The following ACACA variants were observed in gnomAD, a reference collection of about 807,000 sequenced individuals.
ACACA encodes acetyl-CoA carboxylase alpha, also known as acetyl-CoA carboxylase 1.
In ACACA, 103 loss-of-function variants were observed where a neutral mutation model predicts 296.1. The ratio of observed to expected loss-of-function variants is 0.35; its 90% confidence interval spans 0.30 to 0.41. The LOEUF (loss-of-function observed/expected upper bound fraction) is 0.41, where lower values mean the gene tolerates loss of function less well. Ranked by LOEUF, ACACA falls within the 10% of genes least tolerant of loss-of-function variation. The probability of loss-of-function intolerance (pLI) is 1.00; values close to 1 mark genes in which losing one functional copy is unlikely to be tolerated. For missense variants in ACACA, 1,554 were observed against 2,989.7 expected, an observed-to-expected ratio of 0.52 and a Z score of 11.20; for synonymous variants, 953 against 1,038.6, an observed-to-expected ratio of 0.92 and a Z score of 1.58.
rs57347292 is a variant in ACACA at position 37,247,232 on chromosome 17, A to C, written c.2310-256T>G. On this transcript the variant is annotated intron_variant, in intron 18 of 55. Transcript: ENST00000616317. The stretch of plus-strand genomic sequence containing the variant: ...AATAACAGGTACCACCATTTAAAAA[A>C]ACACACACAAAGATATTGATGACGT... Among the ~76,000 whole-genome samples the C allele has an allele frequency of 9.1e-4, 139 of 152,340 alleles. 1 individual carries two copies. The highest frequency in any genetic ancestry group is 3.3e-3 in the African/African-American group (137 of 41,574).
intron 8 of ACACA, chr17:37,274,501 GCTGGCAA>G: frequency 1.5e-6 from 1 of 677,776 alleles, no homozygotes; most frequent in Non-Finnish European, 1.8e-6. Context: ...GGTTCTTAAC[GCTGGCAA>G]AAGCCAGCCG....
intron 50 of ACACA, among the ~76,000 whole-genome samples, chr17:37,115,909 AGAGT>A (rs1298869004): frequency 6.6e-6 from 1 of 152,202 alleles, no homozygotes; most frequent in African/African-American, 2.4e-5. Context: ...GGCTTAAATA[AGAGT>A]GAGTGGTGGA....
intron 1 of ACACA, chr17:37,376,188 G>A: frequency 6.5e-7 from 1 of 1,549,788 alleles, no homozygotes; most frequent in East Asian, 2.2e-5. Flanking sequence ...GGAAAATACA[G>A]AGAGAGGCCT....
At chr17:37,324,194 C>T (rs1227822006) in intron 3 of ACACA, among the ~76,000 whole-genome samples, 52 of 152,150 alleles carry the variant, frequency 3.4e-4, no homozygotes, top group Non-Finnish European at 1.2e-4. Flanking sequence ...TGGAGAAACC[C>T]CATCTCTACT....
chr17:37,243,675 T>C, intron 21 of ACACA, 116 bp from the exon 22 acceptor site: 2 of 1,066,410 alleles, frequency 1.9e-6, no homozygotes, highest in South Asian at 1.3e-5. Flanking sequence ...ACCACTCATA[T>C]ATGAAAATCT....
At chr17:37,269,452 C>T (rs982776402) in intron 10 of ACACA, among the ~76,000 whole-genome samples, 1 of 152,188 alleles carries the variant, frequency 6.6e-6, no homozygotes, top group Non-Finnish European at 1.5e-5. Flanking sequence ...GCTTAAAACA[C>T]ATTAGCCTAC....
intron 45 of ACACA, among the ~76,000 whole-genome samples, chr17:37,146,037 G>A (rs548861803): frequency 9.9e-5 from 15 of 152,194 alleles, no homozygotes; most frequent in South Asian, 4.2e-4. Flanking sequence ...AAAGGATGGC[G>A]TCCATGAATA....
rs372714109 is a variant in ACACA at position 37,377,977 on chromosome 17, G to A, written c.38+28285C>T. ...ATTGCAAATGCAAGGTAGGGAATGG[G>A]TCCTTTCTGGAAAATGATATTGCCA... is the stretch of plus-strand genomic sequence containing the variant. On this transcript the variant is annotated intron_variant, in intron 1 of 55. Transcript: ENST00000616317. 5 of 1,610,464 alleles carry A rather than the reference G, an allele frequency of 3.1e-6. No individual in the cohort carries two copies. In the Admixed American group the frequency reaches 6.7e-5, roughly 22 times the overall value.
At chr17:37,112,180 A>G (rs578103801) in intron 51 of ACACA, among the ~76,000 whole-genome samples, 14 of 152,132 alleles carry the variant, frequency 9.2e-5, no homozygotes, top group Non-Finnish European at 1.6e-4. Context: ...GCCCAGCGCT[A>G]TGGAAATGAG....
In ACACA at chr17:37,179,423, G is replaced by T. The variant is rs775354905; in HGVS notation, c.4933-17C>A. 1.2e-6 allele frequency: 2 copies of T among 1,613,728 alleles called. No individual in the cohort carries two copies. The highest frequency in any genetic ancestry group is 1.7e-6 in the Non-Finnish European group (2 of 1,179,690). ...GATCAGGGACTAGTGGAGAAAAGAA[G>T]TTTGACTAATCAGTCACAATAATTT... On this transcript the variant is annotated splice_polypyrimidine_tract_variant and intron_variant, in intron 40 of 55. Coordinates refer to ENST00000616317, the MANE Select transcript of ACACA (RefSeq NM_198834.3).
chr17:37,263,595 T>G lies in ACACA; in HGVS notation c.1329+90A>C, dbSNP rs989291748. On this transcript the variant is annotated intron_variant, in intron 11 of 55. Coordinates refer to ENST00000616317, the MANE Select transcript of ACACA (RefSeq NM_198834.3). ...TTATTAATTATTCAGAATCGTTGCT[T>G]AAAATGCCATTGTTCTCAGATTGGT... is the stretch of plus-strand genomic sequence containing the variant. 3.1e-5 allele frequency: 36 copies of G among 1,150,990 alleles called. No individual in the cohort carries two copies. In the Admixed American group the frequency reaches 4.4e-4, roughly 14 times the overall value. The allele number at this position is 1,150,990 out of a possible 1,614,324, so 71.3% of individuals were successfully genotyped here. A position where few individuals can be genotyped will look rare whatever the true frequency, so the allele number is the denominator to read the frequency against.
At position 37,236,842 on chromosome 17, in the gene ACACA, C is replaced by G. The variant is rs528298595; in HGVS notation, c.3122-1743G>C. ...TTCATCTCAACAAAAAAAGAACACACACCAAACAAAAAACAAAACAAAACA... is the reference window on the plus strand; with the variant it reads ...TTCATCTCAACAAAAAAAGAACACAGACCAAACAAAAAACAAAACAAAACA... On this transcript the variant is annotated intron_variant, in intron 24 of 55. Coordinates refer to ENST00000616317, the MANE Select transcript of ACACA (RefSeq NM_198834.3). 5.9e-5 allele frequency among the ~76,000 whole-genome samples: 9 copies of G among 151,958 alleles called. No homozygotes were observed. In the East Asian group the frequency reaches 1.5e-3, roughly 26 times the overall value.
chr17:37,402,823 C>T (rs1191068371), intron 1 of ACACA, among the ~76,000 whole-genome samples: 5 of 152,068 alleles, frequency 3.3e-5, no homozygotes, highest in African/African-American at 7.2e-5. Context: ...CAGGCGCCCA[C>T]CACCACGCCC....
At chr17:37,201,811 T>G (rs2078262249) in intron 33 of ACACA, among the ~76,000 whole-genome samples, 1 of 152,220 alleles carries the variant, frequency 6.6e-6, no homozygotes, top group African/African-American at 2.4e-5. Flanking sequence ...ATTATATATT[T>G]TTTAAAATTT....
At chr17:37,359,267 G>A in intron 1 of ACACA, 1 of 540,112 alleles carries the variant, frequency 1.9e-6, no homozygotes, top group Non-Finnish European at 2.4e-6. Flanking sequence ...GGGCTGCGGC[G>A]CTGCCAGGGC....
chr17:37,131,498 T>C (rs9899506), intron 45 of ACACA, among the ~76,000 whole-genome samples: 15,213 of 152,188 alleles, frequency 0.1, 1,026 homozygotes, highest in East Asian at 0.27. Context: ...TTTCCTTTCC[T>C]CTCCTCCTTT....
At chr17:37,299,236 T>G (rs764789656) in intron 3 of ACACA, 4 of 1,589,018 alleles carry the variant, frequency 2.5e-6, no homozygotes, top group Non-Finnish European at 2.6e-6. Flanking sequence ...TACTGTTTTT[T>G]TAAAGATATA....
chr17:37,239,680 T>A (rs2080293490), intron 24 of ACACA, among the ~76,000 whole-genome samples: 1 of 149,278 alleles, frequency 6.7e-6, no homozygotes, highest in Non-Finnish European at 1.5e-5. Context: ...TTATATTAAT[T>A]GACTTTCTCC....
chr17:37,098,644 C>T (rs751427679), intron 52 of ACACA, among the ~76,000 whole-genome samples: 4 of 152,228 alleles, frequency 2.6e-5, no homozygotes, highest in Non-Finnish European at 2.9e-5. Context: ...TTAGCCTGTG[C>T]TCTCCCGCCT....
Sources: gnomAD v4.1 joint callset for allele counts (sites outside exome capture counted in the v4.1 genomes callset) on GRCh38, gnomAD v4.1.1 for gene constraint, MANE v1.5 for transcripts, NCBI Gene and HGNC (gene_info 2026-07-23, HGNC 2026-07-21) for gene names.